The following SSBP2 variants were observed in gnomAD, a reference collection of about 807,000 sequenced individuals.
SSBP2 encodes the protein single-stranded DNA-binding protein 2.
In SSBP2, 17 loss-of-function variants were observed where a neutral mutation model predicts 61.8. The observed-to-expected ratio is 0.28, with a 90% confidence interval of 0.19 to 0.41. The LOEUF is 0.41. Ranked by LOEUF, SSBP2 falls within the 10% of genes least tolerant of loss-of-function variation. SSBP2 has a pLI of 1.00. For synonymous variants in SSBP2, 139 were observed against 141.3 expected, an observed-to-expected ratio of 0.98 and a Z score of 0.12; for missense variants, 310 against 458.7, an observed-to-expected ratio of 0.68 and a Z score of 2.96.
chr5:81,681,123 G>A (rs569398358), intron 1 of SSBP2, among the ~76,000 whole-genome samples: 1 of 151,826 alleles, frequency 6.6e-6, no homozygotes, highest in Non-Finnish European at 1.5e-5. Flanking sequence ...AAAGATAACT[G>A]GAAAATCCAA....
At chr5:81,497,883 T>G (rs1767408323) in intron 5 of SSBP2, among the ~76,000 whole-genome samples, 1 of 152,132 alleles carries the variant, frequency 6.6e-6, no homozygotes, top group Non-Finnish European at 1.5e-5. Context: ...GGATATCAGG[T>G]TAATTTATAT....
At chr5:81,433,790 A>G (rs1762495934) in intron 15 of SSBP2, among the ~76,000 whole-genome samples, 1 of 152,226 alleles carries the variant, frequency 6.6e-6, no homozygotes, top group African/African-American at 2.4e-5. Flanking sequence ...AAAGAGGCAC[A>G]TGAGTTTTAC....
At chr5:81,698,239 T>G (rs898393072) in intron 1 of SSBP2, among the ~76,000 whole-genome samples, 3 of 152,242 alleles carry the variant, frequency 2.0e-5, no homozygotes, top group Admixed American at 1.3e-4. Context: ...GCTTAATTCT[T>G]CTACATTATG....
chr5:81,615,167 A>AC (rs1745881927), intron 4 of SSBP2: 1 of 200,296 alleles, frequency 5.0e-6, no homozygotes, highest in Non-Finnish European at 1.0e-5. Context: ...TTTTTGTAGA[A>AC]TAAAAAAATT....
At chr5:81,713,342 A>C (rs1219630629) in intron 1 of SSBP2, among the ~76,000 whole-genome samples, 5 of 151,620 alleles carry the variant, frequency 3.3e-5, no homozygotes, top group African/African-American at 7.3e-5. Context: ...CCCCTCCCCA[A>C]CCCCAGCAAA....
At chr5:81,730,860 C>G (rs982394656) in intron 1 of SSBP2, among the ~76,000 whole-genome samples, 1 of 152,130 alleles carries the variant, frequency 6.6e-6, no homozygotes, top group Non-Finnish European at 1.5e-5. Flanking sequence ...CATTTTACCT[C>G]CAGAATATTC....
At chr5:81,579,332 T>G (rs1317561084) in intron 4 of SSBP2, among the ~76,000 whole-genome samples, 1 of 152,004 alleles carries the variant, frequency 6.6e-6, no homozygotes, top group African/African-American at 2.4e-5. Flanking sequence ...CAAGTACAAA[T>G]GTCCAATGAA....
chr5:81,590,926 C>T lies in SSBP2; in HGVS notation c.282+24547G>A, dbSNP rs1313324452. On this transcript the variant is annotated intron_variant, in intron 4 of 16. Coordinates refer to ENST00000320672, the MANE Select transcript of SSBP2 (RefSeq NM_012446.5). ...CTAACTCTGGGATAGGACAGTATTA[C>T]TAAGAATGTGACACCCCTGAGACGC... Among the ~76,000 whole-genome samples the T allele has an allele frequency of 2.0e-5, 3 of 152,128 alleles. No individual in the cohort carries two copies. The East Asian group carries it at 5.8e-4, about 29-fold the overall frequency.
chr5:81,735,020 A>G (rs1401484918), intron 1 of SSBP2, among the ~76,000 whole-genome samples: 1 of 151,722 alleles, frequency 6.6e-6, no homozygotes, highest in Non-Finnish European at 1.5e-5. Context: ...GTTGACCTGC[A>G]TATGCTCCTC....
chr5:81,681,895 T>A (rs1752414807), intron 1 of SSBP2, among the ~76,000 whole-genome samples: 1 of 151,990 alleles, frequency 6.6e-6, no homozygotes, highest in Admixed American at 6.6e-5. Context: ...TCACTACAGA[T>A]CCCATGGATA....
At chr5:81,585,531 A>G (rs1450722847) in intron 4 of SSBP2, among the ~76,000 whole-genome samples, 1 of 151,466 alleles carries the variant, frequency 6.6e-6, no homozygotes. Flanking sequence ...AAAAATCTGC[A>G]ATTGACAAAA....
In SSBP2 at chr5:81,421,309, C is replaced by T. The variant is rs150587771; in HGVS notation, c.1057-776G>A. On this transcript the variant is annotated intron_variant, in intron 16 of 16. Transcript: ENST00000320672. ...CTGGGCTCAGGTGATCCCACCACCT[C>T]AGCCTCCCCAGTAGCTGGGACTACA... Among the ~76,000 whole-genome samples, 29 of 152,196 alleles carry T rather than the reference C, an allele frequency of 1.9e-4. No individual in the cohort carries two copies. The East Asian group carries it at 5.6e-3, about 29-fold the overall frequency.
intron 1 of SSBP2, among the ~76,000 whole-genome samples, chr5:81,667,689 T>TA (rs1382183312): frequency 1.3e-5 from 2 of 152,182 alleles, no homozygotes; most frequent in African/African-American, 4.8e-5. Context: ...GAATGAAGTA[T>TA]AACTTTTAAG....
At chr5:81,576,432 G>A (rs543454940) in intron 4 of SSBP2, among the ~76,000 whole-genome samples, 1 of 152,056 alleles carries the variant, frequency 6.6e-6, no homozygotes, top group Admixed American at 6.5e-5. Flanking sequence ...ACTAGTAAAT[G>A]GTGTAAGTAT....
rs188860639 is a variant in SSBP2, at chr5:81,536,127, T to C, written c.283-22410A>G. ...GATATACAGATGGCAAATGAGCATA[T>C]GAAAAGAGGTCCTACATAATATGTT... On this transcript the variant is annotated intron_variant, in intron 4 of 16. Coordinates refer to ENST00000320672, the MANE Select transcript of SSBP2 (RefSeq NM_012446.5). Among the ~76,000 whole-genome samples, 445 of 152,218 alleles carry C rather than the reference T, an allele frequency of 2.9e-3. 1 individual carries two copies. The highest frequency in any genetic ancestry group is 3.3e-3 in the Non-Finnish European group (227 of 67,990).
chr5:81,734,090 AC>A (rs1006946750), intron 1 of SSBP2, among the ~76,000 whole-genome samples: 4 of 152,126 alleles, frequency 2.6e-5, no homozygotes, highest in Admixed American at 1.3e-4. Flanking sequence ...AAGAGTCAAG[AC>A]CCTTTGTTTT....
chr5:81,638,278 T>C (rs891932602), intron 2 of SSBP2, among the ~76,000 whole-genome samples: 1 of 147,230 alleles, frequency 6.8e-6, no homozygotes, highest in African/African-American at 2.5e-5. Flanking sequence ...AAAAAAAGGA[T>C]CCAAAGTATA....
At chr5:81,489,188 A>G (rs1766665016) in intron 6 of SSBP2, 62 bp downstream of exon 6, 1 of 1,330,386 alleles carries the variant, frequency 7.5e-7, no homozygotes, top group East Asian at 2.4e-5. Context: ...GATGATAAAT[A>G]TATGTGACAT....
intron 2 of SSBP2, among the ~76,000 whole-genome samples, chr5:81,637,370 T>C (rs111459606): frequency 8.5e-5 from 13 of 152,354 alleles, no homozygotes; most frequent in African/African-American, 2.9e-4. Context: ...TTATGTAACT[T>C]CTGTGTGCTG....
Sources: allele counts gnomAD v4.1 joint callset (sites outside exome capture counted in the v4.1 genomes callset), GRCh38; gene constraint gnomAD v4.1.1; transcripts MANE v1.5; gene names NCBI Gene and HGNC (gene_info 2026-07-23, HGNC 2026-07-21).